The following ANKS1B variants were observed in gnomAD, a reference collection of about 807,000 sequenced individuals.
ANKS1B encodes the protein ankyrin repeat and sterile alpha motif domain containing 1B, also known as ankyrin repeat and sterile alpha motif domain-containing protein 1B.
ANKS1B carries 36 observed loss-of-function variants against 148.3 expected under a neutral mutation model. That is an observed-to-expected ratio of 0.24 (90% CI 0.19 to 0.32). The LOEUF (loss-of-function observed/expected upper bound fraction) is 0.32, where lower values mean the gene tolerates loss of function less well. Among genes scored for constraint, ANKS1B ranks in the 10% least tolerant of loss-of-function variants. ANKS1B has a pLI of 1.00. For missense variants in ANKS1B, 1,157 were observed against 1,542.6 expected, an observed-to-expected ratio of 0.75 and a Z score of 4.19; for synonymous variants, 542 against 560.8, an observed-to-expected ratio of 0.97 and a Z score of 0.47.
At chr12:99,288,191 C>T (rs1464358546) in intron 12 of ANKS1B, among the ~76,000 whole-genome samples, 8 of 151,906 alleles carry the variant, frequency 5.3e-5, no homozygotes. Flanking sequence ...ACATAGCATA[C>T]AAAAGAACTT....
In ANKS1B at chr12:98,809,740, C is replaced by A. The variant is rs140265704; in HGVS notation, c.3067-1822G>T. On this transcript the variant is annotated intron_variant, in intron 19 of 26. Coordinates refer to ENST00000683438, the MANE Select transcript of ANKS1B (RefSeq NM_001352186.2). ...AAAATAAAATCGTAAGCCCCCTCACCGACTGAACGGACCCCCTTGTGGCCA... is the reference window on the plus strand; with the variant it reads ...AAAATAAAATCGTAAGCCCCCTCACAGACTGAACGGACCCCCTTGTGGCCA... 5.9e-5 allele frequency among the ~76,000 whole-genome samples: 9 copies of A among 152,232 alleles called. No individual in the cohort carries two copies. In the East Asian group the frequency reaches 1.7e-3, roughly 29 times the overall value.
intron 1 of ANKS1B, among the ~76,000 whole-genome samples, chr12:99,973,715 G>A (rs200824812): frequency 1.3e-5 from 2 of 152,242 alleles, no homozygotes; most frequent in East Asian, 3.8e-4. Flanking sequence ...AACTGCAGAT[G>A]TGGTGGAAAT....
intron 14 of ANKS1B, among the ~76,000 whole-genome samples, chr12:99,163,598 CT>C (rs929258642): frequency 1.3e-5 from 2 of 151,962 alleles, no homozygotes; most frequent in African/African-American, 2.4e-5. Context: ...CCTCCTGGAA[CT>C]TTTTTTTATG....
At chr12:98,888,953 A>G (rs558433392) in intron 17 of ANKS1B, among the ~76,000 whole-genome samples, 17 of 152,354 alleles carry the variant, frequency 1.1e-4, no homozygotes, top group African/African-American at 3.4e-4. Context: ...TGCTCAAAGA[A>G]TGTGCCCAGA....
Position 98,967,270 on chromosome 12 carries a change from C to T in ANKS1B, c.2778+85887G>A, listed in dbSNP as rs528538685. On this transcript the variant is annotated intron_variant, in intron 17 of 26. Transcript: ENST00000683438. ...CTCTTTCTGATAACTTTGTTTCCGACGTTGATATCTGATGCTCTCCTAATT... is the reference window on the plus strand; with the variant it reads ...CTCTTTCTGATAACTTTGTTTCCGATGTTGATATCTGATGCTCTCCTAATT... Among the ~76,000 whole-genome samples, 10 of 152,192 alleles carry T rather than the reference C, an allele frequency of 6.6e-5. No homozygotes were observed. In the East Asian group the frequency reaches 7.7e-4, roughly 12 times the overall value.
At position 99,842,512 on chromosome 12, in the gene ANKS1B, T is replaced by C. The variant is rs57481802; in HGVS notation, c.135-17123A>G. Among the ~76,000 whole-genome samples, 1,196 of 152,220 alleles carry C rather than the reference T, an allele frequency of 7.9e-3. 15 individuals are homozygous for C. Among genetic ancestry groups the C allele is most frequent in the African/African-American group, 0.027 (1,130 of 41,534 alleles). ...AAGAACCTCCACCCTTGAGATCTTA[T>C]CAGATTCCTCATCCTCCACCATCCC... On this transcript the variant is annotated intron_variant, in intron 1 of 26. Coordinates refer to ENST00000683438, the MANE Select transcript of ANKS1B (RefSeq NM_001352186.2).
At chr12:99,610,056 C>A (rs899850559) in intron 9 of ANKS1B, among the ~76,000 whole-genome samples, 2 of 152,058 alleles carry the variant, frequency 1.3e-5, no homozygotes, top group African/African-American at 4.8e-5. Context: ...AAAGGTATGA[C>A]ACCTTTCCTA....
intron 11 of ANKS1B, among the ~76,000 whole-genome samples, chr12:99,413,672 CTTCAT>C: frequency 6.6e-6 from 1 of 152,106 alleles, no homozygotes; most frequent in Non-Finnish European, 1.5e-5. Context: ...GACTTTAGCT[CTTCAT>C]TTCATTTTTA....
intron 10 of ANKS1B, among the ~76,000 whole-genome samples, chr12:99,469,360 C>G (rs1416106710): frequency 1.3e-5 from 2 of 151,552 alleles, no homozygotes; most frequent in African/African-American, 4.9e-5. Flanking sequence ...TTGGTGGGTG[C>G]AGCACACCAG....
intron 17 of ANKS1B, among the ~76,000 whole-genome samples, chr12:99,003,165 G>C (rs188898507): frequency 5.8e-4 from 88 of 152,104 alleles, no homozygotes; most frequent in African/African-American, 2.1e-3. Context: ...TCTATTTCTG[G>C]GCTCCTGATT....
intron 12 of ANKS1B, among the ~76,000 whole-genome samples, chr12:99,396,897 G>A (rs2152566938): frequency 6.6e-6 from 1 of 152,208 alleles, no homozygotes; most frequent in East Asian, 1.9e-4. Flanking sequence ...AAGGCATTCT[G>A]AAAGGCAAGT....
chr12:99,780,995 C>T (rs1340211065), intron 5 of ANKS1B, among the ~76,000 whole-genome samples: 5 of 147,352 alleles, frequency 3.4e-5, no homozygotes, highest in African/African-American at 1.3e-4. Flanking sequence ...TAAGAAAGAA[C>T]TTATTTTAAC....
At chr12:99,702,191 T>C (rs2054940899) in intron 8 of ANKS1B, among the ~76,000 whole-genome samples, 1 of 152,138 alleles carries the variant, frequency 6.6e-6, no homozygotes, top group African/African-American at 2.4e-5. Flanking sequence ...TCCACATCCT[T>C]GCCTGCATTT....
At chr12:99,705,950 C>T (rs2055691420) in intron 8 of ANKS1B, among the ~76,000 whole-genome samples, 3 of 151,882 alleles carry the variant, frequency 2.0e-5, no homozygotes, top group African/African-American at 7.3e-5. Context: ...ATAATTAATC[C>T]TAGGGGAAAT....
At chr12:99,469,353 GT>G (rs2096197785) in intron 10 of ANKS1B, among the ~76,000 whole-genome samples, 1 of 151,584 alleles carries the variant, frequency 6.6e-6, no homozygotes, top group African/African-American at 2.4e-5. Flanking sequence ...TGACGAGTTG[GT>G]GGGTGCAGCA....
At chr12:99,794,797 G>A (rs2066051224) in intron 4 of ANKS1B, among the ~76,000 whole-genome samples, 1 of 151,502 alleles carries the variant, frequency 6.6e-6, no homozygotes, top group Admixed American at 6.6e-5. Context: ...GCACAACAGG[G>A]GCACTATAAT....
At chr12:99,399,530 AAC>A (rs2094346673) in intron 12 of ANKS1B, 99 bp downstream of exon 12, 1 of 1,294,930 alleles carries the variant, frequency 7.7e-7, no homozygotes, top group Non-Finnish European at 1.1e-6. Flanking sequence ...GTGAACTAAA[AAC>A]ACAATGCAAT....
chr12:99,702,583 C>T (rs946932251), intron 8 of ANKS1B, among the ~76,000 whole-genome samples: 5 of 152,034 alleles, frequency 3.3e-5, no homozygotes, highest in African/African-American at 1.2e-4. Context: ...TGCTCTATCG[C>T]TCAGGCTGGA....
intron 12 of ANKS1B, among the ~76,000 whole-genome samples, chr12:99,363,005 T>C (rs955350620): frequency 9.9e-5 from 15 of 152,054 alleles, no homozygotes; most frequent in African/African-American, 3.6e-4. Flanking sequence ...CTCAGTGATG[T>C]TTAAAAATTA....
Sources: allele counts gnomAD v4.1 joint callset (sites outside exome capture counted in the v4.1 genomes callset), GRCh38; gene constraint gnomAD v4.1.1; transcripts MANE v1.5; gene names NCBI Gene and HGNC (gene_info 2026-07-23, HGNC 2026-07-21).